The following SGCD variants were observed in gnomAD, a reference collection of about 807,000 sequenced individuals.
The protein encoded by SGCD is delta-sarcoglycan.
SGCD carries 18 observed loss-of-function variants against 36.6 expected under a neutral mutation model. That is an observed-to-expected ratio of 0.49 (90% CI 0.34 to 0.73). SGCD has a LOEUF of 0.73. Ranked by LOEUF, SGCD falls within the 30% of genes least tolerant of loss-of-function variation. The pLI is 0.01. For synonymous variants in SGCD, 133 were observed against 130.6 expected, an observed-to-expected ratio of 1.02 and a Z score of -0.12; for missense variants, 387 against 346.7, an observed-to-expected ratio of 1.12 and a Z score of -0.92.
chr5:156,442,107 A>G (rs1284854541), intron 3 of SGCD, among the ~76,000 whole-genome samples: 2 of 152,204 alleles, frequency 1.3e-5, no homozygotes, highest in African/African-American at 2.4e-5. Context: ...AGAGGAAATA[A>G]TAGATTTAGC....
chr5:156,216,170 G>A (rs1039176152), intron 3 of SGCD, among the ~76,000 whole-genome samples: 4 of 152,100 alleles, frequency 2.6e-5, no homozygotes, highest in African/African-American at 9.7e-5. Context: ...AAGAGGCTGG[G>A]GAGAGAGTAG....
intron 3 of SGCD, among the ~76,000 whole-genome samples, chr5:156,319,824 T>C (rs1767611316): frequency 6.6e-6 from 1 of 152,236 alleles, no homozygotes; most frequent in East Asian, 1.9e-4. Flanking sequence ...TATTTCCTTT[T>C]ACATCAGAAT....
intron 2 of SGCD, among the ~76,000 whole-genome samples, chr5:156,340,431 C>G (rs1768591312): frequency 6.6e-6 from 1 of 152,100 alleles, no homozygotes; most frequent in African/African-American, 2.4e-5. Context: ...AAGGAGTATT[C>G]CTAGAAGACA....
At chr5:155,849,988 A>G in the SGCD span, among the ~76,000 whole-genome samples, 17 of 152,228 alleles carry the variant, frequency 1.1e-4, no homozygotes, top group Non-Finnish European at 2.4e-4. Context: ...ATGAATGACC[A>G]TATCATTTGC....
intron 3 of SGCD, among the ~76,000 whole-genome samples, chr5:156,408,181 T>C (rs991424522): frequency 1.3e-5 from 2 of 152,210 alleles, no homozygotes; most frequent in African/African-American, 4.8e-5. Flanking sequence ...CATCTTGAAG[T>C]ATGAGTGTTT....
intron 3 of SGCD, among the ~76,000 whole-genome samples, chr5:156,230,658 G>A (rs375742633): frequency 1.6e-4 from 25 of 152,048 alleles, no homozygotes; most frequent in Middle Eastern, 6.8e-3. Flanking sequence ...TATTCCTGTC[G>A]TCATTCTGAA....
At chr5:156,515,933 C>G (rs550441265) in intron 4 of SGCD, among the ~76,000 whole-genome samples, 1 of 152,364 alleles carries the variant, frequency 6.6e-6, no homozygotes, top group Admixed American at 6.5e-5. Context: ...TTAGGTGGGA[C>G]TGGGCTCCAT....
the SGCD span, among the ~76,000 whole-genome samples, chr5:155,784,208 AG>A: frequency 6.6e-6 from 1 of 152,160 alleles, no homozygotes. Context: ...TGTTTTCAGG[AG>A]GGACTCACAT....
chr5:156,208,830 C>T (rs749893176), intron 3 of SGCD, among the ~76,000 whole-genome samples: 6 of 152,152 alleles, frequency 3.9e-5, no homozygotes, highest in Non-Finnish European at 7.3e-5. Context: ...TCTGCAGAAG[C>T]ATCACTTTGC....
rs972738434 is a variant in SGCD, at chr5:156,761,788, C to T, written c.*2398C>T. ...ACAAGTTTCATGCCAATAAAAGAGA[C>T]TGGTGTGATCCCACATGCAAAATTT... On this transcript the variant is annotated 3_prime_UTR_variant, in exon 9 of 9. Coordinates refer to ENST00000337851, the MANE Select transcript of SGCD (RefSeq NM_000337.6). The T allele has an allele frequency of 6.6e-6, 1 of 152,122 alleles. No homozygotes were observed. The highest frequency in any genetic ancestry group is 6.5e-5 in the Admixed American group (1 of 15,276). 9.4% of individuals were successfully genotyped at this position (152,122 alleles called of 1,614,324 possible).
chr5:155,865,008 T>C, the SGCD span, among the ~76,000 whole-genome samples: 1 of 152,076 alleles, frequency 6.6e-6, no homozygotes, highest in Admixed American at 6.6e-5. Context: ...AAATTCTTGG[T>C]TTCAGGAACC....
intron 7 of SGCD, 52 bp downstream of exon 7, chr5:156,647,588 T>TGCAACTG (rs754243570): frequency 2.9e-5 from 34 of 1,153,802 alleles, no homozygotes; most frequent in Admixed American, 1.2e-4. Context: ...CCTTGCTCTG[T>TGCAACTG]GCAACTGGCC....
chr5:156,588,988 TTGTGTGTGTGTG>T (rs113243314), intron 4 of SGCD, among the ~76,000 whole-genome samples: 3 of 143,150 alleles, frequency 2.1e-5, no homozygotes, highest in Middle Eastern at 3.6e-3. Context: ...GGAATCTATA[TTGTGTGTGTGTG>T]TGTGTGTGTG....
chr5:156,043,193 C>G (rs987357166), intron 1 of SGCD, among the ~76,000 whole-genome samples: 1 of 152,084 alleles, frequency 6.6e-6, no homozygotes, highest in Non-Finnish European at 1.5e-5. Flanking sequence ...TCTGGAAGAA[C>G]AAGTATCAAT....
chr5:155,755,056 G>C, the SGCD span, among the ~76,000 whole-genome samples: 1 of 152,142 alleles, frequency 6.6e-6, no homozygotes, highest in Non-Finnish European at 1.5e-5. Flanking sequence ...ATTAAACTCT[G>C]TCTCTTCAAG....
At chr5:155,766,033 C>T in the SGCD span, among the ~76,000 whole-genome samples, 1 of 152,158 alleles carries the variant, frequency 6.6e-6, no homozygotes, top group African/African-American at 2.4e-5. Flanking sequence ...TCCTACCCAT[C>T]AGGGTGAGGG....
At chr5:156,274,733 G>A (rs1210224088) in intron 3 of SGCD, among the ~76,000 whole-genome samples, 3 of 152,134 alleles carry the variant, frequency 2.0e-5, no homozygotes, top group Non-Finnish European at 4.4e-5. Flanking sequence ...AGGGTAAAAA[G>A]GCTGGACTGG....
At chr5:156,285,307 G>A (rs1047152301) in intron 3 of SGCD, among the ~76,000 whole-genome samples, 9 of 152,208 alleles carry the variant, frequency 5.9e-5, no homozygotes, top group African/African-American at 1.9e-4. Context: ...TTTTTTCACA[G>A]AATTGGAAAA....
intron 7 of SGCD, among the ~76,000 whole-genome samples, chr5:156,654,276 C>A (rs1763588413): frequency 6.6e-6 from 1 of 151,960 alleles, no homozygotes; most frequent in Admixed American, 6.6e-5. Flanking sequence ...AATAAATGGA[C>A]CTGGGGAACA....
Sources: gnomAD v4.1 joint callset for allele counts (sites outside exome capture counted in the v4.1 genomes callset) on GRCh38, gnomAD v4.1.1 for gene constraint, MANE v1.5 for transcripts, NCBI Gene and HGNC (gene_info 2026-07-23, HGNC 2026-07-21) for gene names.